The following ANO10 variants were observed in gnomAD, a reference collection of about 807,000 sequenced individuals.
ANO10 encodes anoctamin 10.
In ANO10, 77 loss-of-function variants were observed where a neutral mutation model predicts 74.7. That is an observed-to-expected ratio of 1.03 (90% confidence interval 0.86 to 1.25). The LOEUF (loss-of-function observed/expected upper bound fraction) is 1.25, where lower values mean the gene tolerates loss of function less well. Ranked by LOEUF, ANO10 falls within the 50% of genes most tolerant of loss-of-function variation. ANO10 has a pLI of 0.00. For synonymous variants in ANO10, 279 were observed against 284.9 expected (o/e 0.98, Z 0.21); for missense variants, 721 against 778.1 (o/e 0.93, Z 0.87).
At chr3:43,661,529 T>G (rs1282332038) in intron 1 of ANO10, among the ~76,000 whole-genome samples, 3 of 152,190 alleles carry the variant, frequency 2.0e-5, no homozygotes, top group Non-Finnish European at 4.4e-5. Context: ...AGCATCATAA[T>G]GACAGGATCA....
At chr3:43,462,378 CA>C (rs1478356496) in intron 11 of ANO10, among the ~76,000 whole-genome samples, 1 of 152,096 alleles carries the variant, frequency 6.6e-6, no homozygotes, top group Non-Finnish European at 1.5e-5. Context: ...TACAGGCACC[CA>C]CCACCACACC....
intron 1 of ANO10, among the ~76,000 whole-genome samples, chr3:43,607,482 A>G (rs1343593573): frequency 1.3e-5 from 2 of 152,128 alleles, no homozygotes; most frequent in African/African-American, 2.4e-5. Flanking sequence ...TGGCCATGGG[A>G]GGCTAGGGGA....
intron 12 of ANO10, among the ~76,000 whole-genome samples, chr3:43,388,079 CAT>C (rs1407402302): frequency 2.6e-5 from 4 of 152,090 alleles, no homozygotes; most frequent in Non-Finnish European, 5.9e-5. Flanking sequence ...TTTTCACAAA[CAT>C]GTGCACTCTA....
At chr3:43,513,816 C>A (rs2077604202) in intron 11 of ANO10, among the ~76,000 whole-genome samples, 1 of 151,942 alleles carries the variant, frequency 6.6e-6, no homozygotes, top group South Asian at 2.1e-4. Context: ...CAGCCACACA[C>A]TTCTATGATT....
chr3:43,488,033 A>T (rs2076566612), intron 11 of ANO10, among the ~76,000 whole-genome samples: 1 of 152,150 alleles, frequency 6.6e-6, no homozygotes, highest in South Asian at 2.1e-4. Context: ...CAACTATCTG[A>T]TCTTTGAAAA....
intron 1 of ANO10, among the ~76,000 whole-genome samples, chr3:43,607,097 T>A (rs1206101077): frequency 6.6e-6 from 1 of 152,160 alleles, no homozygotes; most frequent in Non-Finnish European, 1.5e-5. Context: ...TCTCATTATA[T>A]AAATGCAAAT....
intron 11 of ANO10, among the ~76,000 whole-genome samples, chr3:43,457,414 T>A (rs1575888160): frequency 6.6e-6 from 1 of 152,074 alleles, no homozygotes; most frequent in African/African-American, 2.4e-5. Context: ...TGGCAGAAGG[T>A]GAAGAGGAAG....
chr3:43,561,211 C>A lies in ANO10; in HGVS notation c.1476+9G>T. ...AGTAAATGTTTAATTCAGCAATATT[C>A]CAACTTACCAAATAAGTTCCCATTT... On this transcript the variant is annotated intron_variant, in intron 9 of 12. Transcript: ENST00000292246. The A allele has an allele frequency of 1.2e-6, 2 of 1,613,570 alleles. No individual in the cohort carries two copies. The highest frequency in any genetic ancestry group is 2.2e-5 in the East Asian group (1 of 44,864).
rs144722095 is a variant in ANO10 at position 43,483,560 on chromosome 3, A to G, written c.1798-50833T>C. Reference sequence around the variant, plus strand: ...CTCAAAAGATTCGTAAGTCAACACTACCCACATGATTGATAAATGTTAACA... The same window carrying G: ...CTCAAAAGATTCGTAAGTCAACACTGCCCACATGATTGATAAATGTTAACA... On this transcript the variant is annotated intron_variant, in intron 11 of 12. Coordinates refer to ENST00000292246, the MANE Select transcript of ANO10 (RefSeq NM_018075.5). Among the ~76,000 whole-genome samples the G allele has an allele frequency of 2.1e-3, 317 of 152,296 alleles. 2 individuals are homozygous for G. The highest frequency in any genetic ancestry group is 7.2e-3 in the African/African-American group (301 of 41,564).
chr3:43,553,537 C>CTTTT (rs1259828062), intron 10 of ANO10, among the ~76,000 whole-genome samples: 14 of 102,692 alleles, frequency 1.4e-4, no homozygotes, highest in African/African-American at 5.4e-4. Context: ...GATAATTTCT[C>CTTTT]TCTTTTTTTT....
intron 1 of ANO10, among the ~76,000 whole-genome samples, chr3:43,662,510 A>G (rs370839937): frequency 5.9e-5 from 9 of 152,202 alleles, no homozygotes; most frequent in Admixed American, 2.0e-4. Flanking sequence ...CTAGAGAAGA[A>G]AGAGCAAACA....
chr3:43,495,058 G>C (rs768036114), intron 11 of ANO10, among the ~76,000 whole-genome samples: 1 of 151,622 alleles, frequency 6.6e-6, no homozygotes, highest in African/African-American at 2.4e-5. Context: ...ATATGGATTG[G>C]CTCAAAAACA....
intron 11 of ANO10, among the ~76,000 whole-genome samples, chr3:43,459,908 T>A (rs2075305427): frequency 1.3e-5 from 2 of 152,272 alleles, no homozygotes; most frequent in African/African-American, 4.8e-5. Context: ...CACAAACCAG[T>A]AAATGGCAGC....
chr3:43,682,387 T>G (rs1016572480), intron 1 of ANO10, among the ~76,000 whole-genome samples: 2 of 152,134 alleles, frequency 1.3e-5, no homozygotes, highest in African/African-American at 4.8e-5. Flanking sequence ...CAGGAAGAAG[T>G]TGAATCTCTG....
chr3:43,505,930 G>A (rs1460807081), intron 11 of ANO10, among the ~76,000 whole-genome samples: 5 of 151,628 alleles, frequency 3.3e-5, no homozygotes, highest in Admixed American at 6.6e-5. Context: ...CTTGTTTCTC[G>A]GAACAGCTAA....
At chr3:43,521,743 A>G (rs2077967111) in intron 11 of ANO10, among the ~76,000 whole-genome samples, 1 of 152,234 alleles carries the variant, frequency 6.6e-6, no homozygotes, top group African/African-American at 2.4e-5. Flanking sequence ...GAAGTTTCTC[A>G]AAAAATTAAA....
At chr3:43,599,899 C>T (rs547643058) in intron 3 of ANO10, among the ~76,000 whole-genome samples, 12 of 150,564 alleles carry the variant, frequency 8.0e-5, no homozygotes, top group Non-Finnish European at 1.6e-4. Flanking sequence ...GAGCGAGACT[C>T]TGTCTCAAAA....
At chr3:43,631,792 A>G (rs995769680) in intron 1 of ANO10, among the ~76,000 whole-genome samples, 5 of 151,982 alleles carry the variant, frequency 3.3e-5, no homozygotes, top group African/African-American at 1.2e-4. Flanking sequence ...AAAAAAAAAG[A>G]AAGTTACAGG....
At chr3:43,491,021 G>T (rs2076699710) in intron 11 of ANO10, among the ~76,000 whole-genome samples, 1 of 152,108 alleles carries the variant, frequency 6.6e-6, no homozygotes, top group South Asian at 2.1e-4. Flanking sequence ...AATGGCAGGG[G>T]GGCGGGGTTT....
Sources: allele counts gnomAD v4.1 joint callset (sites outside exome capture counted in the v4.1 genomes callset), GRCh38; gene constraint gnomAD v4.1.1; transcripts MANE v1.5; gene names NCBI Gene and HGNC (gene_info 2026-07-23, HGNC 2026-07-21).